Variants in BCAS3 observed in about 807,000 individuals in gnomAD.
BCAS3 encodes BCAS4/BCAS3 fusion.
A neutral mutation model predicts 116.1 loss-of-function variants in BCAS3; 53 were observed. The observed-to-expected ratio is 0.46, with a 90% CI of 0.37 to 0.57. The LOEUF (loss-of-function observed/expected upper bound fraction) is 0.57, where lower values mean the gene tolerates loss of function less well. BCAS3 is among the 20% of genes least tolerant of loss of function. The probability of loss-of-function intolerance (pLI) is 0.00; values close to 1 mark genes in which losing one functional copy is unlikely to be tolerated. For missense variants in BCAS3, 917 were observed against 1,165.4 expected (o/e 0.79, Z 3.10); for synonymous variants, 391 against 408.2 (o/e 0.96, Z 0.51).
rs1206628303 is a variant in BCAS3, at chr17:61,323,570, A to G, written c.2426-44757A>G. Among the ~76,000 whole-genome samples, 1 of 152,208 alleles carries G rather than the reference A, an allele frequency of 6.6e-6. No individual in the cohort carries two copies. Among genetic ancestry groups the G allele is most frequent in the Non-Finnish European group, 1.5e-5 (1 of 68,036 alleles). ...ATAATGTAAAAATGCTTTGAGAAATATCTTAGCTGTTCTCAAAATTATAAA... is the reference window on the plus strand; with the variant it reads ...ATAATGTAAAAATGCTTTGAGAAATGTCTTAGCTGTTCTCAAAATTATAAA... On this transcript the variant is annotated intron_variant, in intron 22 of 23. Coordinates refer to ENST00000407086, the MANE Select transcript of BCAS3 (RefSeq NM_017679.5). This position sits in a 1 kb window ranked among gnomAD's most constrained non-coding sequence, Gnocchi z 4.6.
chr17:61,273,376 A>G (rs1317619704), intron 22 of BCAS3, among the ~76,000 whole-genome samples: 1 of 152,148 alleles, frequency 6.6e-6, no homozygotes, highest in Non-Finnish European at 1.5e-5. Flanking sequence ...GCATTTAAAA[A>G]ATACCATTTT....
At chr17:60,767,823 C>T (rs9905453) in intron 6 of BCAS3, among the ~76,000 whole-genome samples, 41,881 of 151,128 alleles carry the variant, frequency 0.28, 11,411 homozygotes, top group African/African-American at 0.72. Context: ...TCTTTAGAGA[C>T]GGGGTCTCAC....
intron 23 of BCAS3, among the ~76,000 whole-genome samples, chr17:61,369,842 A>C (rs2058955125): frequency 1.3e-5 from 2 of 152,244 alleles, no homozygotes; most frequent in South Asian, 4.1e-4. Flanking sequence ...AGGGGGCCTA[A>C]GTGAGGAATG....
chr17:60,752,836 C>T (rs1437351523), intron 6 of BCAS3, among the ~76,000 whole-genome samples: 1 of 151,936 alleles, frequency 6.6e-6, no homozygotes, highest in Non-Finnish European at 1.5e-5. Context: ...AAATCCTATT[C>T]ATATGTAACT....
At chr17:61,070,795 G>A (rs2071353297) in intron 19 of BCAS3, among the ~76,000 whole-genome samples, 1 of 152,042 alleles carries the variant, frequency 6.6e-6, no homozygotes, top group African/African-American at 2.4e-5. Flanking sequence ...TTGTCACAAA[G>A]CTTTTCAATA....
chr17:60,784,365 C>T (rs571930782), intron 6 of BCAS3, among the ~76,000 whole-genome samples: 18 of 138,958 alleles, frequency 1.3e-4, no homozygotes, highest in African/African-American at 4.9e-4. Context: ...GTGACACAAT[C>T]TCGGCTCACT....
At chr17:60,729,034 A>G (rs1358416680) in intron 5 of BCAS3, among the ~76,000 whole-genome samples, 1 of 152,162 alleles carries the variant, frequency 6.6e-6, no homozygotes, top group Non-Finnish European at 1.5e-5. Context: ...TTCTGACCCC[A>G]TATTAGTTTT....
chr17:61,270,002 GC>G (rs1217524361), intron 22 of BCAS3, among the ~76,000 whole-genome samples: 1 of 148,702 alleles, frequency 6.7e-6, no homozygotes, highest in African/African-American at 2.5e-5. Context: ...ACGGGTTTTT[GC>G]CATTTTTTCC....
intron 2 of BCAS3, among the ~76,000 whole-genome samples, chr17:60,681,956 C>T (rs886867058): frequency 1.3e-5 from 2 of 152,090 alleles, no homozygotes; most frequent in East Asian, 3.9e-4. Flanking sequence ...TCTCAAACTC[C>T]CAACCTCAGG....
chr17:61,332,126 G>A lies in BCAS3; in HGVS notation c.2426-36201G>A, dbSNP rs1381021008. 1.3e-5 allele frequency among the ~76,000 whole-genome samples: 2 copies of A among 152,290 alleles called. No homozygotes were observed. The highest frequency in any genetic ancestry group is 6.5e-5 in the Admixed American group (1 of 15,296). ...GCAGAGAGTTGCCACCCAGCCCGCC[G>A]GGCTCTGGAGCTGGGCCACGGGCTC... On this transcript the variant is annotated intron_variant, in intron 22 of 23. Transcript: ENST00000407086. This position sits in a 1 kb window ranked among gnomAD's most constrained non-coding sequence, Gnocchi z 5.4.
chr17:61,001,701 T>C (rs936892385), intron 15 of BCAS3, among the ~76,000 whole-genome samples: 3 of 152,148 alleles, frequency 2.0e-5, no homozygotes, highest in Non-Finnish European at 4.4e-5. Context: ...TGGATTTTTA[T>C]TGATTATGTG....
At chr17:60,860,704 A>G (rs2054081652) in intron 7 of BCAS3, among the ~76,000 whole-genome samples, 1 of 152,192 alleles carries the variant, frequency 6.6e-6, no homozygotes. Context: ...AATCTCCTGC[A>G]TATGGTTTGC....
chr17:61,242,144 C>T lies in BCAS3; in HGVS notation c.2426-126183C>T, dbSNP rs181590810. ...ATACAAAATTAACTGGGCGTGGTGG[C>T]GCATGCCAGTAATCCCAGCTACTCA... On this transcript the variant is annotated intron_variant, in intron 22 of 23. Transcript: ENST00000407086. 2.6e-3 allele frequency among the ~76,000 whole-genome samples: 399 copies of T among 152,176 alleles called. 1 individual carries two copies. The highest frequency in any genetic ancestry group is 4.0e-3 in the Non-Finnish European group (273 of 68,002).
At position 61,228,274 on chromosome 17, in the gene BCAS3, G is replaced by A. The variant is rs2082474808; in HGVS notation, c.2426-140053G>A. On this transcript the variant is annotated intron_variant, in intron 22 of 23. Transcript: ENST00000407086. This position sits in a 1 kb window ranked among gnomAD's most constrained non-coding sequence, Gnocchi z 5.0. ...TAAGCCCCAGCTGAGAAATTATGAA[G>A]GCGACTATAGACACATCAAAATCTA... is the stretch of plus-strand genomic sequence containing the variant. 1.3e-5 allele frequency among the ~76,000 whole-genome samples: 2 copies of A among 152,098 alleles called. No homozygotes were observed. Among genetic ancestry groups the A allele is most frequent in the African/African-American group, 4.8e-5 (2 of 41,412 alleles).
At chr17:61,172,600 G>A (rs2078906063) in intron 22 of BCAS3, among the ~76,000 whole-genome samples, 1 of 152,152 alleles carries the variant, frequency 6.6e-6, no homozygotes, top group Non-Finnish European at 1.5e-5. Flanking sequence ...TCGCACCACT[G>A]CACTCCAGCC....
chr17:60,971,585 A>C (rs2061963998), intron 14 of BCAS3, among the ~76,000 whole-genome samples: 1 of 152,184 alleles, frequency 6.6e-6, no homozygotes, highest in African/African-American at 2.4e-5. Flanking sequence ...AGTGGGCATC[A>C]TCAGGTTTCA....
At chr17:60,827,889 G>A (rs1048140472) in intron 7 of BCAS3, among the ~76,000 whole-genome samples, 1 of 152,092 alleles carries the variant, frequency 6.6e-6, no homozygotes, top group African/African-American at 2.4e-5. Flanking sequence ...AAATATAAAG[G>A]TAAAGGTATT....
chr17:60,926,755 A>G (rs1298361664), intron 13 of BCAS3, among the ~76,000 whole-genome samples: 22 of 152,040 alleles, frequency 1.4e-4, no homozygotes, highest in Non-Finnish European at 2.9e-5. Context: ...TGGCAGCTGT[A>G]TTTTTTTCCT....
At chr17:60,746,035 A>T (rs922370472) in intron 5 of BCAS3, among the ~76,000 whole-genome samples, 1 of 152,204 alleles carries the variant, frequency 6.6e-6, no homozygotes, top group Non-Finnish European at 1.5e-5. Context: ...GATATTTTAA[A>T]CTGCTTGTAT....
Sources: gnomAD v4.1 joint callset for allele counts (sites outside exome capture counted in the v4.1 genomes callset) on GRCh38, gnomAD v4.1.1 for gene constraint, Gnocchi (gnomAD v3.1) non-coding constraint, MANE v1.5 for transcripts, NCBI Gene and HGNC (gene_info 2026-07-23, HGNC 2026-07-21) for gene names.